The following PPP2CA variants were observed in gnomAD, a reference collection of about 807,000 sequenced individuals.
The protein encoded by PPP2CA is serine/threonine-protein phosphatase 2A catalytic subunit alpha isoform.
Under a neutral mutation model 38.8 loss-of-function variants are expected in PPP2CA, and 5 were observed. The ratio of observed to expected loss-of-function variants is 0.13; its 90% CI spans 0.07 to 0.27. PPP2CA has a LOEUF of 0.27. Ranked by LOEUF, PPP2CA falls within the 10% of genes least tolerant of loss-of-function variation. PPP2CA has a pLI of 1.00. For missense variants in PPP2CA, 88 were observed against 389.7 expected, an observed-to-expected ratio of 0.23 and a Z score of 6.52; for synonymous variants, 152 against 134.0, an observed-to-expected ratio of 1.13 and a Z score of -0.93.
At chr5:134,215,147 G>C (rs1423572087) in intron 1 of PPP2CA, among the ~76,000 whole-genome samples, 1 of 146,718 alleles carries the variant, frequency 6.8e-6, no homozygotes, top group African/African-American at 2.5e-5. Flanking sequence ...CCCAGGCTTC[G>C]AGTGCTGTAG....
rs1447680836 is a variant in PPP2CA at position 134,225,532 on chromosome 5, A to C, written c.102+228T>G. ...AGGCCGGCTGACTCAAAAGCCCAGG[A>C]GTCGAGTGAACGGCGCCATTTTAGG... is the stretch of plus-strand genomic sequence containing the variant. On this transcript the variant is annotated intron_variant, in intron 1 of 6. Transcript: ENST00000481195. The C allele has an allele frequency of 1.3e-5, 6 of 477,520 alleles. No homozygotes were observed. In the East Asian group the frequency reaches 1.5e-4, roughly 12 times the overall value. 29.6% of individuals were successfully genotyped at this position (477,520 alleles called of 1,614,324 possible).
chr5:134,196,425 G>C lies in PPP2CA; in HGVS notation c.*1347C>G, dbSNP rs574820619. Reference sequence around the variant, plus strand: ...AAAGGGGAAAAACTCATTAAATGTTGAACACTGCCACTTTAAGTACCATTT... The same window carrying C: ...AAAGGGGAAAAACTCATTAAATGTTCAACACTGCCACTTTAAGTACCATTT... On this transcript the variant is annotated 3_prime_UTR_variant, in exon 7 of 7. Transcript: ENST00000481195. 1 of 152,250 alleles carries C rather than the reference G, an allele frequency of 6.6e-6. No individual in the cohort carries two copies. The highest frequency in any genetic ancestry group is 1.9e-4 in the East Asian group (1 of 5,184). 9.4% of individuals were successfully genotyped at this position (152,250 alleles called of 1,614,324 possible).
At chr5:134,220,456 C>CAAAAAAAAAAAAAAAAAAAA (rs10649430) in intron 1 of PPP2CA, among the ~76,000 whole-genome samples, 2 of 54,048 alleles carry the variant, frequency 3.7e-5, no homozygotes, top group Non-Finnish European at 6.5e-5. Flanking sequence ...GACTCTATCT[C>CAAAAAAAAAAAAAAAAAAAA]AAAAAAAAAA....
At chr5:134,208,779 T>TA (rs1209337692) in intron 1 of PPP2CA, among the ~76,000 whole-genome samples, 1 of 152,228 alleles carries the variant, frequency 6.6e-6, no homozygotes, top group Non-Finnish European at 1.5e-5. Context: ...TTTACACACA[T>TA]ACTGTATGTC....
chr5:134,210,207 G>A (rs1053498953), intron 1 of PPP2CA, among the ~76,000 whole-genome samples: 1 of 152,240 alleles, frequency 6.6e-6, no homozygotes, highest in South Asian at 2.1e-4. Flanking sequence ...GCGGCTTTAT[G>A]GATCACCTCC....
intron 1 of PPP2CA, among the ~76,000 whole-genome samples, chr5:134,207,882 T>C (rs894163425): frequency 6.6e-6 from 1 of 152,224 alleles, no homozygotes; most frequent in African/African-American, 2.4e-5. Context: ...CAACCCATTA[T>C]TATCAAATCC....
chr5:134,225,696 C>T, intron 1 of PPP2CA, 64 bp downstream of exon 1: 2 of 1,505,120 alleles, frequency 1.3e-6, no homozygotes, highest in Non-Finnish European at 1.8e-6. Context: ...ACCCTCCTCA[C>T]GGCCGCCTTT....
chr5:134,223,198 C>T (rs981610598), intron 1 of PPP2CA, among the ~76,000 whole-genome samples: 1 of 152,038 alleles, frequency 6.6e-6, no homozygotes, highest in Non-Finnish European at 1.5e-5. Flanking sequence ...TTATTATACA[C>T]TAATGAAAAA....
intron 1 of PPP2CA, among the ~76,000 whole-genome samples, chr5:134,211,476 AT>A (rs59314759): frequency 0.86 from 113,177 of 131,816 alleles, 48,657 homozygotes; most frequent in African/African-American, 0.94. Flanking sequence ...ATGGAAGACA[AT>A]TTTTTTTTTT....
At chr5:134,205,768 C>T (rs1762070726) in intron 2 of PPP2CA, 154 bp downstream of exon 2, 1 of 624,386 alleles carries the variant, frequency 1.6e-6, no homozygotes, top group Non-Finnish European at 2.8e-6. Flanking sequence ...AACGCAGACG[C>T]CTATGATTTT....
chr5:134,215,323 A>G (rs1762293355), intron 1 of PPP2CA, among the ~76,000 whole-genome samples: 1 of 152,192 alleles, frequency 6.6e-6, no homozygotes, highest in Non-Finnish European at 1.5e-5. Flanking sequence ...TAATCCCAGC[A>G]CTTCGGGAGG....
chr5:134,214,540 T>G (rs1276822265), intron 1 of PPP2CA, among the ~76,000 whole-genome samples: 2 of 152,214 alleles, frequency 1.3e-5, no homozygotes, highest in African/African-American at 4.8e-5. Flanking sequence ...AATATACTCA[T>G]TCTCAGCTAT....
rs553034051 is a variant in PPP2CA, at chr5:134,200,234, G to A, written c.738+101C>T. 9 of 1,297,838 alleles carry A rather than the reference G, an allele frequency of 6.9e-6. No homozygotes were observed. The African/African-American group carries it at 1.4e-4, about 20-fold the overall frequency. The allele number at this position is 1,297,838 out of a possible 1,614,324, so 80.4% of individuals were successfully genotyped here. ...AATGATAAACTCATCAGAAGGAATAGATGGAATTTCTCACAAATGTCATTA... is the reference window on the plus strand; with the variant it reads ...AATGATAAACTCATCAGAAGGAATAAATGGAATTTCTCACAAATGTCATTA... On this transcript the variant is annotated intron_variant, in intron 5 of 6. Coordinates refer to ENST00000481195, the MANE Select transcript of PPP2CA (RefSeq NM_002715.4).
chr5:134,204,091 C>T (rs1408972090), intron 2 of PPP2CA, among the ~76,000 whole-genome samples: 1 of 152,158 alleles, frequency 6.6e-6, no homozygotes, highest in Non-Finnish European at 1.5e-5. Context: ...TAACGATCTC[C>T]AAAAATATTT....
At chr5:134,219,548 G>A (rs1762392420) in intron 1 of PPP2CA, among the ~76,000 whole-genome samples, 6 of 152,148 alleles carry the variant, frequency 3.9e-5, no homozygotes, top group Admixed American at 3.9e-4. Context: ...CTAAACTAAG[G>A]CAGAAGTGGC....
At chr5:134,218,226 A>C (rs910630812) in intron 1 of PPP2CA, among the ~76,000 whole-genome samples, 1 of 152,092 alleles carries the variant, frequency 6.6e-6, no homozygotes, top group African/African-American at 2.4e-5. Flanking sequence ...TTAACCCTCC[A>C]GGTAATATTC....
chr5:134,216,034 A>G (rs1762312819), intron 1 of PPP2CA, among the ~76,000 whole-genome samples: 1 of 152,226 alleles, frequency 6.6e-6, no homozygotes, highest in Non-Finnish European at 1.5e-5. Flanking sequence ...ACTGTTTTTA[A>G]GATAATTTCA....
chr5:134,217,940 A>T (rs919194809), intron 1 of PPP2CA, among the ~76,000 whole-genome samples: 14 of 152,350 alleles, frequency 9.2e-5, no homozygotes, highest in Admixed American at 2.6e-4. Context: ...TGCTGTAGGC[A>T]ACTGTTAACA....
At chr5:134,223,564 C>T (rs1346867933) in intron 1 of PPP2CA, among the ~76,000 whole-genome samples, 2 of 152,126 alleles carry the variant, frequency 1.3e-5, no homozygotes, top group African/African-American at 4.8e-5. Flanking sequence ...TTTTTTGGCA[C>T]TCAGAACTAA....
Sources: gnomAD v4.1 joint callset for allele counts (sites outside exome capture counted in the v4.1 genomes callset) on GRCh38, gnomAD v4.1.1 for gene constraint, MANE v1.5 for transcripts, NCBI Gene and HGNC (gene_info 2026-07-23, HGNC 2026-07-21) for gene names.